Variants in NRIP2 observed in about 807,000 individuals in gnomAD.
NRIP2 encodes the protein nuclear receptor-interacting protein 2.
In NRIP2, 27 loss-of-function variants were observed where a neutral mutation model predicts 34.1. The ratio of observed to expected loss-of-function variants is 0.79; its 90% CI spans 0.58 to 1.09. NRIP2 has a LOEUF of 1.09. Among genes scored for constraint, NRIP2 ranks in the 50% least tolerant of loss-of-function variants. The pLI is 0.00. For synonymous variants in NRIP2, 145 were observed against 146.9 expected (o/e 0.99, Z 0.09); for missense variants, 385 against 352.6 (o/e 1.09, Z -0.74).
In NRIP2 at chr12:2,825,732, A is replaced by AGGTTAGCTG. The variant is rs2097963367; in HGVS notation, c.*1466_*1474dup. 6.6e-6 allele frequency: 1 copy of AGGTTAGCTG among 152,282 alleles called. No individual in the cohort carries two copies. The highest frequency in any genetic ancestry group is 1.9e-4 in the East Asian group (1 of 5,184). 9.4% of individuals were successfully genotyped at this position (152,282 alleles called of 1,614,324 possible). Reference sequence around the variant, plus strand: ...CCCAACGGTCCCAGTTCCCTTGTTCAGGTTAGCTGTACCACTGTCTTTCTC... The same window carrying AGGTTAGCTG: ...CCCAACGGTCCCAGTTCCCTTGTTCAGGTTAGCTGGGTTAGCTGTACCACTGTCTTTCTC... On this transcript the variant is annotated 3_prime_UTR_variant, in exon 6 of 6. Transcript: ENST00000337508.
intron 2 of NRIP2, among the ~76,000 whole-genome samples, chr12:2,829,335 C>T (rs774616153): frequency 1.3e-5 from 2 of 152,198 alleles, no homozygotes; most frequent in Non-Finnish European, 2.9e-5. Context: ...ACACACACAT[C>T]GTTTTCTCAT....
chr12:2,832,068 C>G (rs2098006003), intron 1 of NRIP2, among the ~76,000 whole-genome samples: 1 of 152,070 alleles, frequency 6.6e-6, no homozygotes, highest in East Asian at 1.9e-4. Flanking sequence ...AAATGTGGTC[C>G]TCAGATCAGC....
intron 1 of NRIP2, among the ~76,000 whole-genome samples, chr12:2,832,407 ACTC>A (rs1565432594): frequency 6.7e-6 from 1 of 150,176 alleles, no homozygotes; most frequent in Non-Finnish European, 1.5e-5. Context: ...CCATGTCTTC[ACTC>A]CTCTCTCCTC....
rs771899296 is a variant in NRIP2 at position 2,827,703 on chromosome 12, G to C, written c.701-26C>G. Reference sequence around the variant, plus strand: ...CTATAGGAACAATTTGAAAACAGAAGAGGCTGAGGGTTCCCAGTGGTCACT... The same window carrying C: ...CTATAGGAACAATTTGAAAACAGAACAGGCTGAGGGTTCCCAGTGGTCACT... On this transcript the variant is annotated intron_variant, in intron 4 of 5. Transcript: ENST00000337508. This position sits in a 1 kb window ranked among gnomAD's most constrained non-coding sequence, Gnocchi z 4.0. 8.1e-6 allele frequency: 13 copies of C among 1,613,634 alleles called. No homozygotes were observed. In the Admixed American group the frequency reaches 2.2e-4, roughly 27 times the overall value.
rs2153925445 is a variant in NRIP2, at chr12:2,826,179, C to T, written c.*1028G>A. ...CTTCACAGTGAATTCAAAAAAGCCT[C>T]TGTCTCCTGACAGACCCCAAACTTT... On this transcript the variant is annotated 3_prime_UTR_variant, in exon 6 of 6. Coordinates refer to ENST00000337508, the MANE Select transcript of NRIP2 (RefSeq NM_031474.3). 6.6e-6 allele frequency: 1 copy of T among 151,280 alleles called. No homozygotes were observed. Among genetic ancestry groups the T allele is most frequent in the East Asian group, 1.9e-4 (1 of 5,140 alleles). The allele number at this position is 151,280 out of a possible 1,614,324, so 9.4% of individuals were successfully genotyped here. A position where few individuals can be genotyped will look rare whatever the true frequency, so the allele number is the denominator to read the frequency against.
Position 2,835,008 on chromosome 12 carries a change from A to C in NRIP2, c.-25T>G. ...TGCAGGAGCAGCCGCGTCAGTCTCC[A>C]ATTTCCCGAGATTGCTGTAGAGGGA... On this transcript the variant is annotated 5_prime_UTR_variant, in exon 1 of 6. The change creates a new upstream start codon in the 5' untranslated region. Transcript: ENST00000337508. The C allele has an allele frequency of 6.5e-7, 1 of 1,529,378 alleles. No homozygotes were observed. Among genetic ancestry groups the C allele is most frequent in the South Asian group, 1.3e-5 (1 of 78,548 alleles). 94.7% of individuals were successfully genotyped at this position (1,529,378 alleles called of 1,614,324 possible).
At chr12:2,831,638 C>G (rs1486430960) in intron 1 of NRIP2, among the ~76,000 whole-genome samples, 1 of 152,078 alleles carries the variant, frequency 6.6e-6, no homozygotes, top group Non-Finnish European at 1.5e-5. Flanking sequence ...TGGGAGTCAT[C>G]TTTGACCTGT....
At position 2,834,988 on chromosome 12, in the gene NRIP2, G is replaced by A; in HGVS notation, c.-5C>T. The A allele has an allele frequency of 6.4e-7, 1 of 1,553,914 alleles. No homozygotes were observed. Among genetic ancestry groups the A allele is most frequent in the Admixed American group, 1.9e-5 (1 of 52,140 alleles). ...AAGAGGAAAAATAAATAACATGCAGGAGCAGCCGCGTCAGTCTCCAATTTC... is the reference window on the plus strand; with the variant it reads ...AAGAGGAAAAATAAATAACATGCAGAAGCAGCCGCGTCAGTCTCCAATTTC... On this transcript the variant is annotated 5_prime_UTR_variant, in exon 1 of 6. Coordinates refer to ENST00000337508, the MANE Select transcript of NRIP2 (RefSeq NM_031474.3).
In NRIP2 at chr12:2,828,406, G is replaced by C; in HGVS notation, c.504C>G (p.Asp168Glu). The stretch of plus-strand genomic sequence containing the variant: ...TGTCAACGGCCACTCTAAGCAGCTG[G>C]TCCTGGCACTAAGAAAGAAGAATCG... ...PALLVNCKCQDQLLRVAVDTG... is the reference protein window; with the variant it reads ...PALLVNCKCQEQLLRVAVDTG... The change falls in exon 3 of 6, where the codon GAC becomes GAG. Residue 168 changes from aspartate to glutamate, a missense_variant. Transcript: ENST00000337508. The C allele has an allele frequency of 6.2e-7, 1 of 1,613,938 alleles. No homozygotes were observed. The highest frequency in any genetic ancestry group is 8.5e-7 in the Non-Finnish European group (1 of 1,179,904).
Position 2,828,067 on chromosome 12 carries a change from GTTATGGC to G in NRIP2, c.579-27_579-21del, listed in dbSNP as rs2097978161. The G allele has an allele frequency of 6.2e-7, 1 of 1,601,224 alleles. No individual in the cohort carries two copies. The highest frequency in any genetic ancestry group is 1.1e-5 in the South Asian group (1 of 90,400). On this transcript the variant is annotated intron_variant, in intron 3 of 5. Coordinates refer to ENST00000337508, the MANE Select transcript of NRIP2 (RefSeq NM_031474.3). ...TCTAACCTGTGGTTGGGAAGCAAGG[GTTATGGC>G]TACCACAGCCCCTAGAGGGTTCCAC...
intron 1 of NRIP2, among the ~76,000 whole-genome samples, chr12:2,831,261 G>A (rs561330011): frequency 6.6e-6 from 1 of 151,466 alleles, no homozygotes; most frequent in Non-Finnish European, 1.5e-5. Flanking sequence ...AGATCCCAGG[G>A]TTGATGGTAT....
In NRIP2 at chr12:2,827,623, A is replaced by C; in HGVS notation, c.753+2T>G. ...GGGTCAGGCCCTGAGTGGGTGCCTTACCTTGAGAGAAAGCAGAGTCTGCAG... is the reference window on the plus strand; with the variant it reads ...GGGTCAGGCCCTGAGTGGGTGCCTTCCCTTGAGAGAAAGCAGAGTCTGCAG... On this transcript the variant is annotated splice_donor_variant, in intron 5 of 5. Coordinates refer to ENST00000337508, the MANE Select transcript of NRIP2 (RefSeq NM_031474.3). LOFTEE classifies it high-confidence loss of function. The surrounding 1 kb of genome is among the most constrained non-coding windows in gnomAD (Gnocchi z 4.0). 6.2e-7 allele frequency: 1 copy of C among 1,614,126 alleles called. No individual in the cohort carries two copies. The highest frequency in any genetic ancestry group is 8.5e-7 in the Non-Finnish European group (1 of 1,180,030).
rs2098021085 is a variant in NRIP2 at position 2,834,923 on chromosome 12, T to G, written c.61A>C (p.Ser21Arg). The G allele has an allele frequency of 1.2e-6, 2 of 1,612,320 alleles. No homozygotes were observed. The highest frequency in any genetic ancestry group is 2.7e-5 in the African/African-American group (2 of 74,854). ...WRPSCWKESC[S>R]TGQRQAGRSR... ...CTTCCTGCCTGTCTCTGTCCCGTGC[T>G]GCAGCTCTCTTTCCAACAGGAGGGT... is the stretch of plus-strand genomic sequence containing the variant. Residue 21 changes from serine to arginine, a missense_variant, in exon 1 of 6, where the codon AGC becomes CGC. Coordinates refer to ENST00000337508, the MANE Select transcript of NRIP2 (RefSeq NM_031474.3).
chr12:2,830,903 C>G (rs1172229556), intron 1 of NRIP2, 43 bp from the exon 2 acceptor site: 3 of 1,589,456 alleles, frequency 1.9e-6, no homozygotes, highest in Non-Finnish European at 2.6e-6. Flanking sequence ...GTTCTAAACC[C>G]AGGCATCCAG....
chr12:2,827,209 A>G lies in NRIP2; in HGVS notation c.844T>C (p.Ter282ArgextTer42). The G allele has an allele frequency of 6.2e-7, 1 of 1,614,068 alleles. No homozygotes were observed. The highest frequency in any genetic ancestry group is 8.5e-7 in the Non-Finnish European group (1 of 1,179,990). The change falls in exon 6 of 6, where the codon TGA (stop) becomes CGA (arginine). Residue 282 changes from the stop codon to arginine (R), a stop_lost. Coordinates refer to ENST00000337508, the MANE Select transcript of NRIP2 (RefSeq NM_031474.3). The surrounding 1 kb of genome is among the most constrained non-coding windows in gnomAD (Gnocchi z 4.0). ...CTGGGGACTGACTGAGACAGCAGTC[A>G]CTGGCCAGGCTCTTGGTACAAAGGC... ...FLPLYQEPGQ[*>R] is the part of the protein sequence containing the mutation.
chr12:2,827,534 A>G lies in NRIP2; in HGVS notation c.753+91T>C. 6.3e-7 allele frequency: 1 copy of G among 1,594,776 alleles called. No individual in the cohort carries two copies. Among genetic ancestry groups the G allele is most frequent in the African/African-American group, 1.4e-5 (1 of 73,740 alleles). ...AGGGACAGTTGCCCATCTCTAAGTC[A>G]CTCTCATCAGAACCTGGTCCAGGTT... is the stretch of plus-strand genomic sequence containing the variant. On this transcript the variant is annotated intron_variant, in intron 5 of 5. Transcript: ENST00000337508. The surrounding 1 kb of genome is among the most constrained non-coding windows in gnomAD (Gnocchi z 4.0).
rs2097971663 is a variant in NRIP2 at position 2,827,166 on chromosome 12, A to G, written c.*41T>C. 1 of 1,613,260 alleles carries G rather than the reference A, an allele frequency of 6.2e-7. No homozygotes were observed. The highest frequency in any genetic ancestry group is 1.3e-5 in the African/African-American group (1 of 74,916). On this transcript the variant is annotated 3_prime_UTR_variant, in exon 6 of 6. Transcript: ENST00000337508. This position sits in a 1 kb window ranked among gnomAD's most constrained non-coding sequence, Gnocchi z 4.0. ...CCGTTCCCCACACGCCTCTTCTTCT[A>G]AGGCAAGGTCTTTCCCTCTGGGGAC...
At chr12:2,828,547 G>A (rs2097982221) in intron 2 of NRIP2, 133 bp from the exon 3 acceptor site, 1 of 744,088 alleles carries the variant, frequency 1.3e-6, no homozygotes, top group African/African-American at 1.8e-5. Context: ...TTTAAAACTG[G>A]CTTTTATCGG....
intron 2 of NRIP2, 29 bp downstream of exon 2, chr12:2,830,679 T>C: frequency 6.3e-7 from 1 of 1,590,792 alleles, no homozygotes; most frequent in Non-Finnish European, 8.6e-7. Flanking sequence ...GGGTTGTTAA[T>C]GAAAGTGTGT....
Sources: allele counts gnomAD v4.1 joint callset (sites outside exome capture counted in the v4.1 genomes callset), GRCh38; gene constraint gnomAD v4.1.1; non-coding constraint Gnocchi (gnomAD v3.1); transcripts MANE v1.5; gene names NCBI Gene and HGNC (gene_info 2026-07-23, HGNC 2026-07-21).